NOTCH2: variants seen among roughly 807,000 people sequenced by gnomAD.
NOTCH2 encodes the protein notch receptor 2.
NOTCH2 carries 29 observed loss-of-function variants against 235.8 expected under a neutral mutation model. The ratio of observed to expected loss-of-function variants is 0.12; its 90% CI spans 0.09 to 0.17. The LOEUF (loss-of-function observed/expected upper bound fraction) is 0.17, where lower values mean the gene tolerates loss of function less well. Ranked by LOEUF, NOTCH2 falls within the 10% of genes least tolerant of loss-of-function variation. The pLI is 1.00. For missense variants in NOTCH2, 2,285 were observed against 3,150.2 expected, an observed-to-expected ratio of 0.73 and a Z score of 6.57; for synonymous variants, 1,086 against 1,141.5, an observed-to-expected ratio of 0.95 and a Z score of 0.98.
intron 15 of NOTCH2, among the ~76,000 whole-genome samples, chr1:119,949,385 T>C (rs895090495): frequency 7.0e-6 from 1 of 142,172 alleles, no homozygotes; most frequent in Admixed American, 7.0e-5. Flanking sequence ...TACTATTTCT[T>C]TTTTTTTTTT....
At chr1:119,959,665 G>A (rs888926196) in intron 11 of NOTCH2, among the ~76,000 whole-genome samples, 163 bp from the exon 12 acceptor site, 2 of 152,204 alleles carry the variant, frequency 1.3e-5, no homozygotes, top group Admixed American at 1.3e-4. Context: ...GACTCGTTCA[G>A]GAAGATACAG....
chr1:120,010,737 C>CTT (rs1470111419), intron 2 of NOTCH2, among the ~76,000 whole-genome samples: 3 of 152,186 alleles, frequency 2.0e-5, no homozygotes, highest in Admixed American at 1.3e-4. Context: ...TGTGAGAAAG[C>CTT]TCTTTCTTTC....
chr1:120,003,351 T>TTATA, intron 3 of NOTCH2, among the ~76,000 whole-genome samples: 1 of 150,606 alleles, frequency 6.6e-6, no homozygotes, highest in Admixed American at 6.6e-5. Flanking sequence ...AAACTCTCCT[T>TTATA]TATATATATA....
At chr1:119,985,171 T>C (rs1183587183) in intron 5 of NOTCH2, among the ~76,000 whole-genome samples, 6 of 152,086 alleles carry the variant, frequency 3.9e-5, no homozygotes, top group African/African-American at 9.7e-5. Context: ...CTCCTGTTGA[T>C]GATGGGCAGG....
intron 22 of NOTCH2, among the ~76,000 whole-genome samples, chr1:119,930,753 TG>T (rs1351544020): frequency 6.7e-6 from 1 of 149,860 alleles, no homozygotes; most frequent in Admixed American, 6.7e-5. Context: ...CACTCCAGCC[TG>T]GGCAACAGAG....
At chr1:119,968,656 T>A (rs1166523841) in intron 6 of NOTCH2, among the ~76,000 whole-genome samples, 1 of 152,254 alleles carries the variant, frequency 6.6e-6, no homozygotes. Context: ...GGAATCCTAC[T>A]TCCCCAATAT....
At chr1:120,010,882 A>C (rs1653163408) in intron 2 of NOTCH2, among the ~76,000 whole-genome samples, 1 of 152,096 alleles carries the variant, frequency 6.6e-6, no homozygotes, top group African/African-American at 2.4e-5. Context: ...AATGCCTATA[A>C]GCTGATGAAC....
rs587666659 is a variant in NOTCH2, at chr1:119,937,190, A to T, written c.3522+92T>A. 20 of 1,239,714 alleles carry T rather than the reference A, an allele frequency of 1.6e-5. No individual in the cohort carries two copies. In the South Asian group the frequency reaches 2.2e-4, roughly 13 times the overall value. 76.8% of individuals were successfully genotyped at this position (1,239,714 alleles called of 1,614,324 possible). A position where few individuals can be genotyped will look rare whatever the true frequency, so the allele number is the denominator to read the frequency against. Reference sequence around the variant, plus strand: ...TAAAAATCTATAAACTATCAATATAAGATACAAGCAGCTAAATTCAATATA... The same window carrying T: ...TAAAAATCTATAAACTATCAATATATGATACAAGCAGCTAAATTCAATATA... On this transcript the variant is annotated intron_variant, in intron 21 of 33. Coordinates refer to ENST00000256646, the MANE Select transcript of NOTCH2 (RefSeq NM_024408.4).
chr1:119,941,767 A>G lies in NOTCH2; in HGVS notation c.2753-13T>C. ...TTCTGGCAAGGATCTAAGCCATTAC[A>G]AAAGAATTAGACCTCTGAAGAGTAG... On this transcript the variant is annotated splice_polypyrimidine_tract_variant and intron_variant, in intron 17 of 33. Transcript: ENST00000256646. 1.3e-6 allele frequency: 2 copies of G among 1,585,040 alleles called. No homozygotes were observed. The highest frequency in any genetic ancestry group is 1.7e-6 in the Non-Finnish European group (2 of 1,153,716).
At chr1:119,965,100 G>A (rs1651086002) in intron 10 of NOTCH2, among the ~76,000 whole-genome samples, 1 of 152,174 alleles carries the variant, frequency 6.6e-6, no homozygotes, top group Non-Finnish European at 1.5e-5. Flanking sequence ...AAGAAACACA[G>A]AGCCAGGCCT....
At position 119,912,140 on chromosome 1, in the gene NOTCH2, G is replaced by A. The variant is rs994473375; in HGVS notation, c.*3166C>T. 4.3e-6 allele frequency: 1 copy of A among 233,374 alleles called. No individual in the cohort carries two copies. Among genetic ancestry groups the A allele is most frequent in the African/African-American group, 2.2e-5 (1 of 45,320 alleles). 14.5% of individuals were successfully genotyped at this position (233,374 alleles called of 1,614,324 possible). On this transcript the variant is annotated 3_prime_UTR_variant, in exon 34 of 34. Transcript: ENST00000256646. ...ACTACCTTTAGAATGAAACGGAAAA[G>A]TAAAAACAAAGTGTGCATTTTCCTT...
chr1:119,945,764 T>C (rs897168307), intron 17 of NOTCH2, among the ~76,000 whole-genome samples: 4 of 151,976 alleles, frequency 2.6e-5, no homozygotes, highest in African/African-American at 9.7e-5. Context: ...TATACAATGA[T>C]AGTAAAAGAT....
intron 31 of NOTCH2, among the ~76,000 whole-genome samples, chr1:119,918,903 GAA>G (rs1649176479): frequency 6.6e-6 from 1 of 152,152 alleles, no homozygotes; most frequent in Non-Finnish European, 1.5e-5. Context: ...AGGCATCAGG[GAA>G]TATAATATGA....
At chr1:119,939,860 C>T (rs587607076) in intron 19 of NOTCH2, among the ~76,000 whole-genome samples, 11 of 151,592 alleles carry the variant, frequency 7.3e-5, no homozygotes, top group South Asian at 4.2e-4. Context: ...TACTTAAGTG[C>T]GCCCTGTAAG....
At chr1:119,999,878 A>AGAAAGAGAGAGG (rs1447148241) in intron 3 of NOTCH2, among the ~76,000 whole-genome samples, 5 of 149,166 alleles carry the variant, frequency 3.4e-5, no homozygotes, top group African/African-American at 1.3e-4. Flanking sequence ...AAAGACAGAC[A>AGAAAGAGAGAGG]GAAAGAGAGA....
intron 6 of NOTCH2, 76 bp from the exon 7 acceptor site, chr1:119,968,308 G>C: frequency 6.8e-7 from 1 of 1,468,754 alleles, no homozygotes; most frequent in Non-Finnish European, 9.4e-7. Flanking sequence ...TTTCACCCAG[G>C]AGGGAAAACC....
In NOTCH2 at chr1:119,923,783, G is replaced by C; in HGVS notation, c.4713C>G (p.Thr1571=). ...TAATGCGCAGGTTGGTGTGGAGCAG[G>C]GTACCCAGTGCCCGCAAGAAGCTGC... ...DARSFLRALG[T]LLHTNLRIKR... Residue 1571 remains threonine (T), a synonymous_variant, in exon 26 of 34, where the codon ACC becomes ACG. Transcript: ENST00000256646. The C allele has an allele frequency of 1.9e-6, 3 of 1,614,144 alleles. No homozygotes were observed. The highest frequency in any genetic ancestry group is 2.5e-6 in the Non-Finnish European group (3 of 1,180,032).
intron 5 of NOTCH2, among the ~76,000 whole-genome samples, chr1:119,982,450 G>A (rs2101174283): frequency 6.6e-6 from 1 of 152,294 alleles, no homozygotes; most frequent in South Asian, 2.1e-4. Context: ...TGAAGGAAAT[G>A]AACCTTTAAA....
chr1:120,060,922 ATGT>A (rs587753953), intron 1 of NOTCH2, among the ~76,000 whole-genome samples: 563 of 134,580 alleles, frequency 4.2e-3, no homozygotes, highest in Non-Finnish European at 6.1e-3. Flanking sequence ...TGCACTTTAA[ATGT>A]TGTAATAAAG....
Sources: gnomAD v4.1 joint callset for allele counts (sites outside exome capture counted in the v4.1 genomes callset) on GRCh38, gnomAD v4.1.1 for gene constraint, MANE v1.5 for transcripts, NCBI Gene and HGNC (gene_info 2026-07-23, HGNC 2026-07-21) for gene names.